AKAP9: variants seen among roughly 807,000 people sequenced by gnomAD.
The protein encoded by AKAP9 is A-kinase anchor protein 9.
Under a neutral mutation model 488.5 loss-of-function variants are expected in AKAP9, and 311 were observed. The ratio of observed to expected loss-of-function variants is 0.64; its 90% CI spans 0.58 to 0.70. AKAP9 has a LOEUF of 0.70. AKAP9 is among the 30% of genes least tolerant of loss of function. The probability of loss-of-function intolerance (pLI) is 0.00; values close to 1 mark genes in which losing one functional copy is unlikely to be tolerated. For missense variants in AKAP9, 4,215 were observed against 4,374.5 expected, an observed-to-expected ratio of 0.96 and a Z score of 1.03; for synonymous variants, 1,462 against 1,483.5, an observed-to-expected ratio of 0.99 and a Z score of 0.33.
At chr7:92,052,654 A>G in intron 21 of AKAP9, 72 bp from the exon 22 acceptor site, 1 of 1,049,260 alleles carries the variant, frequency 9.5e-7, no homozygotes, top group Non-Finnish European at 1.4e-6. Flanking sequence ...GTTTAGTTTG[A>G]TGTTGTTTTA....
intron 39 of AKAP9, among the ~76,000 whole-genome samples, chr7:92,093,755 A>T (rs548379937): frequency 6.6e-6 from 1 of 152,320 alleles, no homozygotes; most frequent in East Asian, 1.9e-4. Flanking sequence ...TTTATATTGA[A>T]CATTAGCTTC....
chr7:92,084,898 AGAAAGT>A lies in AKAP9; in HGVS notation c.8798_8803del (p.Glu2933_Ser2934del). Reference sequence around the variant, plus strand: ...ACATAGCATCAGAAGGCCGAGGAGAAGAAAGTGAAAGTGCAACAGATTCCTTTCCAA... The same window carrying A: ...ACATAGCATCAGAAGGCCGAGGAGAAGAAAGTGCAACAGATTCCTTTCCAA... On this transcript the variant is annotated inframe_deletion, in exon 35 of 50. Transcript: ENST00000356239. The A allele has an allele frequency of 6.2e-7, 1 of 1,613,598 alleles. No homozygotes were observed.
chr7:92,038,594 C>A lies in AKAP9; in HGVS notation c.4514C>A (p.Thr1505Lys). The A allele has an allele frequency of 6.2e-7, 1 of 1,613,760 alleles. No individual in the cohort carries two copies. The change falls in exon 17 of 50, where the codon ACA (threonine) becomes AAA (lysine). Residue 1505 changes from threonine (T) to lysine (K), a missense_variant. This residue lies in a region of AKAP9 where 2,361 missense variants were observed against 2,430.0 expected (regional missense o/e 0.97). Transcript: ENST00000356239. The stretch of plus-strand genomic sequence containing the variant: ...CAAATTGGTTTTCAGACTTTTGAGA[C>A]AGTGGATGTGAAATTTAAAGAAGAA... ...QDQIGFQTFE[T>K]VDVKFKEEFK...
intron 1 of AKAP9, among the ~76,000 whole-genome samples, chr7:91,951,409 C>T (rs1018659637): frequency 1.3e-5 from 2 of 152,018 alleles, no homozygotes; most frequent in African/African-American, 2.4e-5. Flanking sequence ...ATTGCAACCT[C>T]GACCTCCTGA....
intron 45 of AKAP9, among the ~76,000 whole-genome samples, 170 bp downstream of exon 45, chr7:92,101,226 G>A (rs1381527224): frequency 6.6e-6 from 1 of 152,106 alleles, no homozygotes; most frequent in Non-Finnish European, 1.5e-5. Flanking sequence ...CACGAGGTCA[G>A]GAGATCAAGA....
intron 3 of AKAP9, among the ~76,000 whole-genome samples, chr7:91,982,266 T>C (rs530488183): frequency 6.6e-6 from 1 of 152,234 alleles, no homozygotes; most frequent in East Asian, 1.9e-4. Context: ...TAGGTATACA[T>C]GTTCCATGCT....
intron 6 of AKAP9, 100 bp downstream of exon 6, chr7:91,994,876 C>T (rs1490632803): frequency 9.2e-6 from 10 of 1,087,108 alleles, no homozygotes; most frequent in East Asian, 2.6e-5. Context: ...AAAGCCATTT[C>T]GTATTATATC....
chr7:92,102,579 C>T lies in AKAP9; in HGVS notation c.11098-15C>T, dbSNP rs2130913849. ...TTTCTTAATGTCTTTACATTCTTCT[C>T]TTCCCTAAATATAGAGAATTTATGG... is the stretch of plus-strand genomic sequence containing the variant. On this transcript the variant is annotated splice_polypyrimidine_tract_variant and intron_variant, in intron 45 of 49. Transcript: ENST00000356239. The T allele has an allele frequency of 6.2e-7, 1 of 1,607,840 alleles. No homozygotes were observed. Among genetic ancestry groups the T allele is most frequent in the Non-Finnish European group, 8.5e-7 (1 of 1,174,306 alleles).
At chr7:92,029,751 T>C (rs1432394235) in intron 14 of AKAP9, 144 bp from the exon 15 acceptor site, 4 of 647,760 alleles carry the variant, frequency 6.2e-6, no homozygotes, top group Non-Finnish European at 8.3e-6. Context: ...GTCAAAAATA[T>C]GATTTAACTT....
chr7:92,045,320 C>A, intron 21 of AKAP9, 107 bp downstream of exon 21: 1 of 1,072,230 alleles, frequency 9.3e-7, no homozygotes, highest in Non-Finnish European at 1.4e-6. Flanking sequence ...TATTTTCCAG[C>A]AAATGGACCT....
chr7:91,967,031 A>G (rs1313294930), intron 1 of AKAP9, among the ~76,000 whole-genome samples: 1 of 151,502 alleles, frequency 6.6e-6, no homozygotes, highest in East Asian at 1.9e-4. Flanking sequence ...TAGATTTTTT[A>G]CTTCTTTAGT....
Position 92,003,065 on chromosome 7 carries a change from G to A in AKAP9, c.3148G>A (p.Val1050Met), listed in dbSNP as rs1428052119. 22 of 1,612,848 alleles carry A rather than the reference G, an allele frequency of 1.4e-5. No individual in the cohort carries two copies. Among genetic ancestry groups the A allele is most frequent in the Non-Finnish European group, 1.9e-5 (22 of 1,179,506 alleles). Residue 1050 changes from valine to methionine, a missense_variant, in exon 8 of 50, where the codon GTG becomes ATG. Val to Met is a conservative substitution (Grantham distance 21, BLOSUM62 1). Coordinates refer to ENST00000356239, the MANE Select transcript of AKAP9 (RefSeq NM_005751.5). ...TTTTGGTGAAGAATCAAAAATAATG[G>A]TGGAAGATAAAGTTTCTTTTGAAAA... Reference protein sequence around the residue: ...KSFGEESKIMVEDKVSFENMT... With the variant: ...KSFGEESKIMMEDKVSFENMT...
In AKAP9 at chr7:92,002,753, G is replaced by C. The variant is rs755549001; in HGVS notation, c.2836G>C (p.Glu946Gln). The part of the protein sequence containing the change: ...KDTTELMEKL[E>Q]VTKREKLELS... ...TACAACAGAACTCATGGAAAAACTT[G>C]AGGTAACCAAGCGAGAGAAATTAGA... The change falls in exon 8 of 50, where the codon GAG (glutamate) becomes CAG (glutamine). Residue 946 changes from glutamate (E) to glutamine (Q), a missense_variant. Around this residue, in one of 5 missense-constraint regions of AKAP9, gnomAD observed 2,361 missense variants for 2,430.0 expected, o/e 0.97. Coordinates refer to ENST00000356239, the MANE Select transcript of AKAP9 (RefSeq NM_005751.5). 8.7e-6 allele frequency: 14 copies of C among 1,613,568 alleles called. No individual in the cohort carries two copies. Among genetic ancestry groups the C allele is most frequent in the Admixed American group, 6.7e-5 (4 of 59,960 alleles).
At chr7:91,949,621 G>C (rs934501370) in intron 1 of AKAP9, among the ~76,000 whole-genome samples, 2 of 152,120 alleles carry the variant, frequency 1.3e-5, no homozygotes, top group African/African-American at 2.4e-5. Flanking sequence ...TTTTGTCTTA[G>C]TCATCACCAA....
chr7:91,979,222 A>G (rs1465544377), intron 2 of AKAP9, among the ~76,000 whole-genome samples: 2 of 152,142 alleles, frequency 1.3e-5, no homozygotes, highest in Admixed American at 6.5e-5. Flanking sequence ...ATAAAGAAAA[A>G]GAGGTTTAAT....
At chr7:92,109,011 AC>A (rs1487062337) in intron 49 of AKAP9, 1 of 334,504 alleles carries the variant, frequency 3.0e-6, no homozygotes, top group African/African-American at 2.1e-5. Flanking sequence ...GTGCCGCAGC[AC>A]TCCAGCCTGG....
At position 92,079,433 on chromosome 7, in the gene AKAP9, AAG is replaced by A; in HGVS notation, c.7306_7307del (p.Glu2436ThrfsTer2). The A allele has an allele frequency of 1.2e-6, 2 of 1,614,122 alleles. No homozygotes were observed. The highest frequency in any genetic ancestry group is 1.7e-6 in the Non-Finnish European group (2 of 1,180,000). ...GCTAACACAGGAATTATTCAGCTTAAAGAGAGAACGTGAAAGTGTGGAAAAGA... is the reference window on the plus strand; with the variant it reads ...GCTAACACAGGAATTATTCAGCTTAAAGAGAACGTGAAAGTGTGGAAAAGA... ...NQLTQELFSLKRERESVEKIQ... is the reference protein window; with the variant it reads ...NQLTQELFSLXRERESVEKIQ... On this transcript the variant is annotated frameshift_variant, in exon 31 of 50. Transcript: ENST00000356239. LOFTEE classifies it high-confidence loss of function.
chr7:91,942,687 A>G (rs1043833975), intron 1 of AKAP9, among the ~76,000 whole-genome samples: 2 of 152,242 alleles, frequency 1.3e-5, no homozygotes, highest in South Asian at 2.1e-4. Context: ...TTGGACATAC[A>G]CATTTCATAA....
At chr7:91,958,801 A>G (rs148532428) in intron 1 of AKAP9, among the ~76,000 whole-genome samples, 5 of 152,158 alleles carry the variant, frequency 3.3e-5, no homozygotes, top group East Asian at 1.9e-4. Context: ...TACTCTATAT[A>G]TGCAGCTTTG....
Sources: allele counts gnomAD v4.1 joint callset (sites outside exome capture counted in the v4.1 genomes callset), GRCh38; gene constraint gnomAD v4.1.1; regional missense constraint gnomAD v4.1.1; transcripts MANE v1.5; gene names NCBI Gene and HGNC (gene_info 2026-07-23, HGNC 2026-07-21).